Variants in CTSS observed in about 807,000 individuals in gnomAD.
CTSS encodes cathepsin S.
CTSS carries 15 observed loss-of-function variants against 39.9 expected under a neutral mutation model. That is an observed-to-expected ratio of 0.38 (90% CI 0.25 to 0.58). The LOEUF is 0.58. CTSS is among the 20% of genes least tolerant of loss of function. The pLI, the probability that CTSS is intolerant of heterozygous loss-of-function variation, is 0.70. For synonymous variants in CTSS, 126 were observed against 138.2 expected (o/e 0.91, Z 0.62); for missense variants, 250 against 398.2 (o/e 0.63, Z 3.17).
At chr1:150,736,049 C>T (rs1047623493) in intron 7 of CTSS, among the ~76,000 whole-genome samples, 3 of 152,174 alleles carry the variant, frequency 2.0e-5, no homozygotes, top group Admixed American at 6.5e-5. Flanking sequence ...TGAGCCACTG[C>T]GCCTGGCCCA....
intron 7 of CTSS, among the ~76,000 whole-genome samples, chr1:150,747,030 G>T (rs1203830913): frequency 6.6e-6 from 1 of 152,100 alleles, no homozygotes; most frequent in Non-Finnish European, 1.5e-5. Context: ...CAGTTAGAAG[G>T]GTACAGCAAT....
At chr1:150,754,616 C>T (rs1557813139) in intron 4 of CTSS, among the ~76,000 whole-genome samples, 2 of 151,882 alleles carry the variant, frequency 1.3e-5, no homozygotes, top group African/African-American at 2.4e-5. Context: ...TTAGTAGAGA[C>T]GGGGTTTCAT....
intron 7 of CTSS, among the ~76,000 whole-genome samples, chr1:150,745,273 CTTAT>C (rs1260697518): frequency 6.6e-6 from 1 of 152,084 alleles, no homozygotes; most frequent in Non-Finnish European, 1.5e-5. Flanking sequence ...AGAATGTGAA[CTTAT>C]TTAGAGATAG....
chr1:150,743,306 G>A (rs12089989), intron 7 of CTSS, among the ~76,000 whole-genome samples: 66,429 of 151,034 alleles, frequency 0.44, 14,861 homozygotes, highest in South Asian at 0.57. Context: ...CATACATCTG[G>A]AAACTTGATT....
At chr1:150,759,050 T>G (rs965260649) in intron 2 of CTSS, among the ~76,000 whole-genome samples, 1 of 149,622 alleles carries the variant, frequency 6.7e-6, no homozygotes, top group African/African-American at 2.5e-5. Context: ...TTTTTTTTTT[T>G]GTAGAGACAG....
chr1:150,757,032 A>G (rs1367349361), intron 3 of CTSS, among the ~76,000 whole-genome samples: 1 of 152,022 alleles, frequency 6.6e-6, no homozygotes. Flanking sequence ...ACTTTCTAAT[A>G]TCCTAATAAC....
rs184119191 is a variant in CTSS at position 150,732,090 on chromosome 1, T to C, written c.*956A>G. 3.3e-5 allele frequency: 5 copies of C among 152,364 alleles called. No individual in the cohort carries two copies. In the East Asian group the frequency reaches 9.6e-4, roughly 29 times the overall value. The allele number at this position is 152,364 out of a possible 1,614,324, so 9.4% of individuals were successfully genotyped here. On this transcript the variant is annotated 3_prime_UTR_variant, in exon 8 of 8. Coordinates refer to ENST00000368985, the MANE Select transcript of CTSS (RefSeq NM_004079.5). ...TCCTGGATAGTTTCTTTTTTATTTT[T>C]GTGGAGACAAGGTCTCACTATGTTG... is the stretch of plus-strand genomic sequence containing the variant.
intron 2 of CTSS, among the ~76,000 whole-genome samples, chr1:150,763,635 T>C (rs1653307841): frequency 6.6e-6 from 1 of 151,098 alleles, no homozygotes; most frequent in African/African-American, 2.4e-5. Context: ...GTCATTTTTA[T>C]ACAAAATAAT....
intron 2 of CTSS, among the ~76,000 whole-genome samples, chr1:150,758,503 A>G (rs775601833): frequency 3.2e-4 from 49 of 152,074 alleles, no homozygotes; most frequent in Non-Finnish European, 6.2e-4. Flanking sequence ...TATGATAAAC[A>G]TGAATTTCCT....
intron 3 of CTSS, among the ~76,000 whole-genome samples, chr1:150,755,531 G>A (rs1348127819): frequency 1.3e-5 from 2 of 152,160 alleles, no homozygotes; most frequent in African/African-American, 4.8e-5. Flanking sequence ...CCTGAGGTCA[G>A]GAGTTCAAGA....
At chr1:150,765,287 G>A (rs1653350899) in intron 1 of CTSS, among the ~76,000 whole-genome samples, 1 of 136,892 alleles carries the variant, frequency 7.3e-6, no homozygotes, top group South Asian at 2.2e-4. Context: ...TCCTTTTTAC[G>A]TTTTTTTTTT....
intron 2 of CTSS, among the ~76,000 whole-genome samples, chr1:150,760,802 G>A (rs971239379): frequency 3.3e-5 from 5 of 151,648 alleles, no homozygotes; most frequent in African/African-American, 1.2e-4. Flanking sequence ...AGAATCACTT[G>A]AGCTGGAGTT....
intron 2 of CTSS, among the ~76,000 whole-genome samples, chr1:150,759,942 A>G (rs1653217721): frequency 6.6e-6 from 1 of 152,058 alleles, no homozygotes; most frequent in South Asian, 2.1e-4. Flanking sequence ...AATGGACATA[A>G]TGGGCATGCA....
intron 7 of CTSS, among the ~76,000 whole-genome samples, chr1:150,739,929 C>T (rs948224252): frequency 6.6e-6 from 1 of 152,222 alleles, no homozygotes; most frequent in African/African-American, 2.4e-5. Flanking sequence ...CCTATGCCAC[C>T]TCGATTTTAG....
intron 7 of CTSS, among the ~76,000 whole-genome samples, chr1:150,733,754 AG>A (rs1285464922): frequency 6.6e-6 from 1 of 152,066 alleles, no homozygotes; most frequent in East Asian, 1.9e-4. Flanking sequence ...GTTTGAGGCC[AG>A]AGTTTGAGAG....
rs1354713849 is a variant in CTSS at position 150,741,893 on chromosome 1, G to A, written c.896+5884C>T. Among the ~76,000 whole-genome samples, 6 of 147,670 alleles carry A rather than the reference G, an allele frequency of 4.1e-5. No individual in the cohort carries two copies. The South Asian group carries it at 6.4e-4, about 16-fold the overall frequency. On this transcript the variant is annotated intron_variant, in intron 7 of 7. Coordinates refer to ENST00000368985, the MANE Select transcript of CTSS (RefSeq NM_004079.5). ...CTGTCTCAAAAAAAAAAGGGGGGGGGAAGAATATGAACATTTAAAAAGTTC... is the reference window on the plus strand; with the variant it reads ...CTGTCTCAAAAAAAAAAGGGGGGGGAAAGAATATGAACATTTAAAAAGTTC...
intron 4 of CTSS, among the ~76,000 whole-genome samples, chr1:150,753,123 G>A (rs1264515957): frequency 6.6e-6 from 1 of 152,052 alleles, no homozygotes; most frequent in African/African-American, 2.4e-5. Context: ...CCAAAGTGCT[G>A]GAATCACAGA....
chr1:150,757,772 G>A (rs764505891), intron 3 of CTSS, 86 bp downstream of exon 3: 6 of 1,406,808 alleles, frequency 4.3e-6, no homozygotes, highest in Non-Finnish European at 5.9e-6. Flanking sequence ...TGTTATTGTT[G>A]TTTACCTTCA....
intron 2 of CTSS, among the ~76,000 whole-genome samples, chr1:150,758,238 C>T (rs1322955568): frequency 3.3e-5 from 5 of 151,968 alleles, no homozygotes; most frequent in East Asian, 1.9e-4. Context: ...TTAGTAGAGA[C>T]GGGGTTTCGT....
Sources: gnomAD v4.1 joint callset for allele counts (sites outside exome capture counted in the v4.1 genomes callset) on GRCh38, gnomAD v4.1.1 for gene constraint, MANE v1.5 for transcripts, NCBI Gene and HGNC (gene_info 2026-07-23, HGNC 2026-07-21) for gene names.